Variants in FAM193B observed in about 807,000 individuals in gnomAD.
The protein encoded by FAM193B is protein FAM193B.
Under a neutral mutation model 70.7 loss-of-function variants are expected in FAM193B, and 27 were observed. The observed-to-expected ratio is 0.38, with a 90% confidence interval of 0.28 to 0.53. The LOEUF is 0.53. FAM193B is among the 20% of genes least tolerant of loss of function. The pLI is 0.81. For synonymous variants in FAM193B, 448 were observed against 436.0 expected, an observed-to-expected ratio of 1.03 and a Z score of -0.34; for missense variants, 1,022 against 1,072.5, an observed-to-expected ratio of 0.95 and a Z score of 0.66.
At chr5:177,534,190 G>A (rs181734650) in intron 4 of FAM193B, among the ~76,000 whole-genome samples, 13 of 152,286 alleles carry the variant, frequency 8.5e-5, no homozygotes, top group Middle Eastern at 6.8e-3. Flanking sequence ...CTAAGCATGT[G>A]ACGTGGATTA....
At chr5:177,533,849 C>T (rs1348650890) in intron 4 of FAM193B, among the ~76,000 whole-genome samples, 1 of 152,196 alleles carries the variant, frequency 6.6e-6, no homozygotes. Flanking sequence ...GGAACTCAAG[C>T]CCACGTTTCT....
Position 177,550,867 on chromosome 5 carries a change from T to TC in FAM193B, c.210+3381dup, listed in dbSNP as rs1181086386. 1.9e-4 allele frequency among the ~76,000 whole-genome samples: 29 copies of TC among 152,258 alleles called. 2 individuals carry two copies. In the East Asian group the frequency reaches 4.8e-3, roughly 25 times the overall value. ...TAAAAGGAGACGGTGTTTCCCTCTC[T>TC]CCCCCAGGCTGGGGTGCAGTGGCGT... On this transcript the variant is annotated intron_variant, in intron 1 of 8. Coordinates refer to ENST00000514747, the MANE Select transcript of FAM193B (RefSeq NM_001190946.3).
chr5:177,527,934 A>T (rs1304700462), intron 5 of FAM193B, among the ~76,000 whole-genome samples: 1 of 152,202 alleles, frequency 6.6e-6, no homozygotes, highest in Non-Finnish European at 1.5e-5. Flanking sequence ...GTCCACAAGG[A>T]GGTGTCCAGT....
Position 177,554,325 on chromosome 5 carries a change from G to A in FAM193B, c.134C>T (p.Pro45Leu), listed in dbSNP as rs1334807289. 3.0e-6 allele frequency: 4 copies of A among 1,313,470 alleles called. No homozygotes were observed. Among genetic ancestry groups the A allele is most frequent in the Non-Finnish European group, 2.9e-6 (3 of 1,027,278 alleles). 81.4% of individuals were successfully genotyped at this position (1,313,470 alleles called of 1,614,324 possible). The change falls in exon 1 of 9, where the codon CCT (proline) becomes CTT (leucine). Residue 45 changes from proline (P) to leucine (L), a missense_variant. Transcript: ENST00000514747. ...PSLEAGAGAG[P>L]PEAPAEPDHD... is the part of the protein sequence containing the mutation. Reference sequence around the variant, plus strand: ...GTCGGGCTCCGCCGGCGCCTCCGGAGGGCCTGCACCCGCTCCCGCCTCCAG... The same window carrying A: ...GTCGGGCTCCGCCGGCGCCTCCGGAAGGCCTGCACCCGCTCCCGCCTCCAG...
At position 177,524,781 on chromosome 5, in the gene FAM193B, C is replaced by A; in HGVS notation, c.1700G>T (p.Trp567Leu). The change falls in exon 6 of 9, where the codon TGG becomes TTG. Residue 567 changes from tryptophan (W) to leucine (L), a missense_variant. By Grantham distance (61) the Trp-to-Leu change is moderately conservative. Coordinates refer to ENST00000514747, the MANE Select transcript of FAM193B (RefSeq NM_001190946.3). ...WAEMRGPHPP[W>L]TEVRGPPPGI... ...GGGAGGGGGCCCCCTCACCTCTGTC[C>A]ATGGTGGGTGGGGGCCTCTCATTTC... is the stretch of plus-strand genomic sequence containing the variant. 1 of 1,518,656 alleles carries A rather than the reference C, an allele frequency of 6.6e-7. No individual in the cohort carries two copies. The highest frequency in any genetic ancestry group is 8.8e-7 in the Non-Finnish European group (1 of 1,135,970). The allele number at this position is 1,518,656 out of a possible 1,614,324, so 94.1% of individuals were successfully genotyped here.
chr5:177,544,456 T>G (rs1184483778), intron 1 of FAM193B, among the ~76,000 whole-genome samples: 2 of 152,192 alleles, frequency 1.3e-5, no homozygotes, highest in African/African-American at 4.8e-5. Flanking sequence ...CTATTTAGAC[T>G]TGGGTATTGG....
At chr5:177,536,142 G>T (rs1764135040) in intron 4 of FAM193B, among the ~76,000 whole-genome samples, 1 of 151,994 alleles carries the variant, frequency 6.6e-6, no homozygotes, top group South Asian at 2.1e-4. Flanking sequence ...CAAACTCCTA[G>T]GCTCAAGTGA....
intron 1 of FAM193B, among the ~76,000 whole-genome samples, chr5:177,542,863 C>G (rs1765014995): frequency 6.6e-6 from 1 of 152,188 alleles, no homozygotes; most frequent in African/African-American, 2.4e-5. Flanking sequence ...AGGTCTGATT[C>G]CTGTCTGGAT....
intron 1 of FAM193B, among the ~76,000 whole-genome samples, chr5:177,548,533 T>A (rs1765768451): frequency 6.6e-6 from 1 of 152,338 alleles, no homozygotes; most frequent in Admixed American, 6.5e-5. Flanking sequence ...ACCCTAGGTC[T>A]CCTCAAAGAT....
At chr5:177,533,714 G>A (rs1211031499) in intron 4 of FAM193B, among the ~76,000 whole-genome samples, 1 of 152,210 alleles carries the variant, frequency 6.6e-6, no homozygotes, top group African/African-American at 2.4e-5. Flanking sequence ...TTGCCCAACA[G>A]GTGGCCAGGA....
At chr5:177,530,761 T>C (rs942260312) in intron 5 of FAM193B, among the ~76,000 whole-genome samples, 1 of 152,086 alleles carries the variant, frequency 6.6e-6, no homozygotes, top group Non-Finnish European at 1.5e-5. Context: ...TTCTGCTCAG[T>C]TTTGGCTGTC....
At chr5:177,525,928 A>T (rs1762526526) in intron 5 of FAM193B, among the ~76,000 whole-genome samples, 1 of 152,224 alleles carries the variant, frequency 6.6e-6, no homozygotes, top group Admixed American at 6.5e-5. Flanking sequence ...CAGTCACCCC[A>T]ACCTCTCCAT....
intron 5 of FAM193B, among the ~76,000 whole-genome samples, chr5:177,528,367 G>A (rs1212746652): frequency 6.6e-6 from 1 of 152,170 alleles, no homozygotes; most frequent in Non-Finnish European, 1.5e-5. Context: ...CAAGAAGTGT[G>A]GCTGTGATGA....
In FAM193B at chr5:177,525,130, G is replaced by T; in HGVS notation, c.1351C>A (p.Pro451Thr). Reference protein sequence around the residue: ...NRVSGSREPRPARERLLEWPD... With the variant: ...NRVSGSREPRTARERLLEWPD... ...CACTCCAAGAGCCTCTCCCTGGCAG[G>T]CCTTGGCTCCCGGCTTCCAGAAACA... The change falls in exon 6 of 9, where the codon CCT becomes ACT. Residue 451 changes from proline (P) to threonine (T), a missense_variant. By Grantham distance (38) the Pro-to-Thr change is conservative (BLOSUM62 -1). Transcript: ENST00000514747. 1 of 1,548,944 alleles carries T rather than the reference G, an allele frequency of 6.5e-7. No homozygotes were observed. The highest frequency in any genetic ancestry group is 8.7e-7 in the Non-Finnish European group (1 of 1,149,260).
At chr5:177,543,304 C>T (rs552804411) in intron 1 of FAM193B, among the ~76,000 whole-genome samples, 2 of 152,272 alleles carry the variant, frequency 1.3e-5, no homozygotes, top group South Asian at 4.1e-4. Flanking sequence ...GATGATACCA[C>T]CCATGCTGCA....
intron 1 of FAM193B, chr5:177,554,022 G>A (rs1486579748): frequency 3.0e-6 from 4 of 1,330,214 alleles, no homozygotes; most frequent in African/African-American, 1.5e-5. Context: ...GGGGAGAGGG[G>A]AGCAGCTTCA....
rs1044304017 is a variant in FAM193B at position 177,552,294 on chromosome 5, C to A, written c.210+1955G>T. Reference sequence around the variant, plus strand: ...CAATGGTCAATTCATCATATTTGTGCTAAACGCTGCGGAGAAATACAGGTG... The same window carrying A: ...CAATGGTCAATTCATCATATTTGTGATAAACGCTGCGGAGAAATACAGGTG... On this transcript the variant is annotated intron_variant, in intron 1 of 8. Coordinates refer to ENST00000514747, the MANE Select transcript of FAM193B (RefSeq NM_001190946.3). Among the ~76,000 whole-genome samples the A allele has an allele frequency of 4.6e-5, 7 of 152,304 alleles. No individual in the cohort carries two copies. In the South Asian group the frequency reaches 6.2e-4, roughly 14 times the overall value.
intron 5 of FAM193B, chr5:177,531,695 G>T: frequency 4.6e-6 from 3 of 654,486 alleles, no homozygotes; most frequent in Non-Finnish European, 6.6e-6. Flanking sequence ...GGCGGCAGTG[G>T]GTGAAGGGAC....
At chr5:177,542,788 T>C (rs969136512) in intron 1 of FAM193B, among the ~76,000 whole-genome samples, 7 of 152,346 alleles carry the variant, frequency 4.6e-5, no homozygotes, top group African/African-American at 1.7e-4. Context: ...TTGGTTACAG[T>C]AGTTGTGTCT....
Sources: allele counts gnomAD v4.1 joint callset (sites outside exome capture counted in the v4.1 genomes callset), GRCh38; gene constraint gnomAD v4.1.1; transcripts MANE v1.5; gene names NCBI Gene and HGNC (gene_info 2026-07-23, HGNC 2026-07-21).